Variants in CTNNA2 observed in about 807,000 individuals in gnomAD.
CTNNA2 encodes catenin alpha-2.
Under a neutral mutation model 101.0 loss-of-function variants are expected in CTNNA2, and 42 were observed. That is an observed-to-expected ratio of 0.42 (90% confidence interval 0.32 to 0.54). The LOEUF (loss-of-function observed/expected upper bound fraction) is 0.54. Ranked by LOEUF, CTNNA2 falls within the 20% of genes least tolerant of loss-of-function variation. CTNNA2 has a pLI of 0.14. For missense variants in CTNNA2, 871 were observed against 1,223.1 expected, an observed-to-expected ratio of 0.71 and a Z score of 4.29; for synonymous variants, 450 against 456.4, an observed-to-expected ratio of 0.99 and a Z score of 0.18.
At chr2:80,309,788 G>A (rs959296957) in intron 7 of CTNNA2, among the ~76,000 whole-genome samples, 141 of 151,576 alleles carry the variant, frequency 9.3e-4, no homozygotes, top group African/African-American at 7.3e-5. Context: ...TCCTTCTCCC[G>A]GGTTCAAGTG....
At chr2:79,908,530 C>T (rs909404112) in intron 6 of CTNNA2, among the ~76,000 whole-genome samples, 1 of 152,160 alleles carries the variant, frequency 6.6e-6, no homozygotes, top group Non-Finnish European at 1.5e-5. Context: ...GCAGAAAAGG[C>T]TCCCCAAAGG....
intron 9 of CTNNA2, among the ~76,000 whole-genome samples, chr2:80,534,247 A>G (rs1197613968): frequency 1.3e-5 from 2 of 152,174 alleles, no homozygotes; most frequent in African/African-American, 4.8e-5. Flanking sequence ...CAAGGGTACA[A>G]TGCCTGGTGG....
intron 7 of CTNNA2, among the ~76,000 whole-genome samples, chr2:79,942,982 C>T (rs1184507050): frequency 1.3e-5 from 2 of 151,912 alleles, no homozygotes; most frequent in South Asian, 2.1e-4. Flanking sequence ...TTTGAGAGGC[C>T]GAGGTGGGTG....
At chr2:79,743,636 C>T (rs1439034371) in intron 2 of CTNNA2, among the ~76,000 whole-genome samples, 3 of 151,764 alleles carry the variant, frequency 2.0e-5, no homozygotes, top group South Asian at 2.1e-4. Flanking sequence ...CGAGTTCAAG[C>T]GATTCTCCTG....
At chr2:79,388,660 A>G (rs1678133989) in intron 4 of CTNNA2, among the ~76,000 whole-genome samples, 1 of 152,178 alleles carries the variant, frequency 6.6e-6, no homozygotes, top group Admixed American at 6.6e-5. Flanking sequence ...GCTGGGCTCC[A>G]GACTTTCTGC....
rs1200252575 is a variant in CTNNA2 at position 79,287,740 on chromosome 2, G to T, written c.-405-24969G>T. ...TGCCCCCAGAGGTGGAGCCTACAGAGGCAAGCAGGCCTCCTTGAGCTGTGG... is the reference window on the plus strand; with the variant it reads ...TGCCCCCAGAGGTGGAGCCTACAGATGCAAGCAGGCCTCCTTGAGCTGTGG... On this transcript the variant is annotated intron_variant, in intron 2 of 21. Transcript: ENST00000466387. 1.2e-4 allele frequency among the ~76,000 whole-genome samples: 19 copies of T among 152,298 alleles called. No individual in the cohort carries two copies. The East Asian group carries it at 2.9e-3, about 23-fold the overall frequency.
chr2:80,632,885 ATTG>A (rs1672446193), intron 18 of CTNNA2, among the ~76,000 whole-genome samples: 1 of 152,220 alleles, frequency 6.6e-6, no homozygotes, highest in Admixed American at 6.5e-5. Flanking sequence ...ACAAAAGTAT[ATTG>A]TTATTAACCC....
chr2:80,193,342 A>AT (rs1706641544), intron 7 of CTNNA2, among the ~76,000 whole-genome samples: 1 of 152,158 alleles, frequency 6.6e-6, no homozygotes, highest in South Asian at 2.1e-4. Context: ...AGTAGGTGTA[A>AT]TAGAAGCAAG....
At chr2:80,490,868 G>A (rs1284054427) in intron 9 of CTNNA2, among the ~76,000 whole-genome samples, 2 of 151,986 alleles carry the variant, frequency 1.3e-5, no homozygotes, top group African/African-American at 2.4e-5. Context: ...ATATTTATTT[G>A]GTTTTATGTT....
chr2:80,546,421 A>T (rs1692064394), intron 11 of CTNNA2, among the ~76,000 whole-genome samples: 1 of 152,208 alleles, frequency 6.6e-6, no homozygotes, highest in Admixed American at 6.5e-5. Flanking sequence ...ATGTCTTAAA[A>T]ATAGGTGATC....
chr2:79,946,575 GC>G (rs1356801511), intron 7 of CTNNA2, among the ~76,000 whole-genome samples: 1 of 152,100 alleles, frequency 6.6e-6, no homozygotes, highest in Non-Finnish European at 1.5e-5. Context: ...ATTTCAATTA[GC>G]CAAATAAAAA....
At chr2:80,080,036 G>A (rs1034794507) in intron 7 of CTNNA2, among the ~76,000 whole-genome samples, 2 of 152,086 alleles carry the variant, frequency 1.3e-5, no homozygotes, top group African/African-American at 4.8e-5. Context: ...ACGTCAATGG[G>A]CCTTTAGAAG....
At chr2:80,060,475 C>T (rs191095540) in intron 7 of CTNNA2, among the ~76,000 whole-genome samples, 2 of 152,152 alleles carry the variant, frequency 1.3e-5, no homozygotes, top group Non-Finnish European at 2.9e-5. Flanking sequence ...AGGGCAAAAC[C>T]ATTCAATATC....
intron 7 of CTNNA2, among the ~76,000 whole-genome samples, chr2:79,933,330 C>T (rs111310308): frequency 6.6e-6 from 1 of 152,246 alleles, no homozygotes; most frequent in African/African-American, 2.4e-5. Flanking sequence ...TCTAACAACA[C>T]TGTTCGGCTA....
chr2:79,204,733 G>A (rs1674079680), intron 2 of CTNNA2, among the ~76,000 whole-genome samples: 1 of 152,172 alleles, frequency 6.6e-6, no homozygotes. Flanking sequence ...ATTTGGTGAG[G>A]GCTGTATCCT....
chr2:79,745,426 A>G (rs1334384471), intron 3 of CTNNA2, among the ~76,000 whole-genome samples: 1 of 151,472 alleles, frequency 6.6e-6, no homozygotes, highest in Non-Finnish European at 1.5e-5. Flanking sequence ...GTGAGACTCC[A>G]TCTCTTAAAA....
At chr2:79,430,930 G>A (rs1349051383) in intron 4 of CTNNA2, among the ~76,000 whole-genome samples, 2 of 152,070 alleles carry the variant, frequency 1.3e-5, no homozygotes, top group African/African-American at 2.4e-5. Flanking sequence ...AATTAAAATT[G>A]TTGTATTTTA....
intron 3 of CTNNA2, among the ~76,000 whole-genome samples, chr2:79,791,826 G>T (rs1675295040): frequency 6.6e-6 from 1 of 152,078 alleles, no homozygotes; most frequent in South Asian, 2.1e-4. Context: ...TCAAACCCAT[G>T]TGCAGCAAGG....
chr2:80,278,709 T>C (rs1674118224), intron 7 of CTNNA2, among the ~76,000 whole-genome samples: 1 of 152,124 alleles, frequency 6.6e-6, no homozygotes, highest in Admixed American at 6.6e-5. Context: ...CATCTGGCAG[T>C]CTGCCTCGGA....
Sources: allele counts gnomAD v4.1 joint callset (sites outside exome capture counted in the v4.1 genomes callset), GRCh38; gene constraint gnomAD v4.1.1; transcripts MANE v1.5; gene names NCBI Gene and HGNC (gene_info 2026-07-23, HGNC 2026-07-21).